Variants in SAMMSON observed in about 807,000 individuals in gnomAD.
The protein encoded by SAMMSON is long intergenic non-protein coding RNA 1212.
chr3:70,382,102 A>G (rs563836150), intron 9 of SAMMSON, among the ~76,000 whole-genome samples: 1 of 152,306 alleles, frequency 6.6e-6, no homozygotes, highest in South Asian at 2.1e-4. Flanking sequence ...AAAGTGGTAC[A>G]TGAAATACAT....
At chr3:70,011,449 A>C (rs921441107) in intron 1 of SAMMSON, among the ~76,000 whole-genome samples, 1 of 152,040 alleles carries the variant, frequency 6.6e-6, no homozygotes, top group Non-Finnish European at 1.5e-5. Flanking sequence ...GTGGGTAAGG[A>C]GAGTTTGTTT....
chr3:70,317,024 G>C (rs1461765593), intron 7 of SAMMSON, among the ~76,000 whole-genome samples: 2 of 151,900 alleles, frequency 1.3e-5, no homozygotes, highest in African/African-American at 4.8e-5. Context: ...TTCCTCTGGG[G>C]GTTACAATAT....
chr3:70,160,117 TCTA>T (rs1395752617), intron 4 of SAMMSON, among the ~76,000 whole-genome samples: 1 of 152,094 alleles, frequency 6.6e-6, no homozygotes, highest in African/African-American at 2.4e-5. Flanking sequence ...CTTAATGAAG[TCTA>T]CTGAAGTACA....
Position 70,194,765 on chromosome 3 carries a change from G to A in SAMMSON, n.508-54342G>A, listed in dbSNP as rs150965927. Among the ~76,000 whole-genome samples the A allele has an allele frequency of 3.4e-3, 512 of 152,254 alleles. 2 individuals are homozygous for A. The highest frequency in any genetic ancestry group is 0.011 in the African/African-American group (457 of 41,542). On this transcript the variant is annotated intron_variant and non_coding_transcript_variant, in intron 4 of 9. Transcript: ENST00000642114. ...TGTAGAGTAGAAAGAATAAGGGAATGATAATTGAAATATTTAACACCAATA... is the reference window on the plus strand; with the variant it reads ...TGTAGAGTAGAAAGAATAAGGGAATAATAATTGAAATATTTAACACCAATA...
At chr3:70,320,646 T>G (rs1702532017) in intron 7 of SAMMSON, among the ~76,000 whole-genome samples, 1 of 152,034 alleles carries the variant, frequency 6.6e-6, no homozygotes, top group Non-Finnish European at 1.5e-5. Context: ...AGGACCATCA[T>G]TACTGACAGA....
chr3:70,244,323 T>C (rs1260947181), intron 4 of SAMMSON, among the ~76,000 whole-genome samples: 4 of 152,200 alleles, frequency 2.6e-5, no homozygotes, highest in Non-Finnish European at 4.4e-5. Flanking sequence ...CTTTTTCATG[T>C]TTAACATTTT....
At chr3:70,090,592 T>C (rs1342852720) in intron 4 of SAMMSON, among the ~76,000 whole-genome samples, 1 of 152,180 alleles carries the variant, frequency 6.6e-6, no homozygotes, top group African/African-American at 2.4e-5. Context: ...AACTTTCATA[T>C]TGTATCTAAG....
intron 6 of SAMMSON, among the ~76,000 whole-genome samples, chr3:70,257,345 T>C (rs1430704870): frequency 1.3e-5 from 2 of 152,102 alleles, no homozygotes; most frequent in Non-Finnish European, 2.9e-5. Flanking sequence ...GGATCATGGG[T>C]TTTAAGGAAT....
intron 4 of SAMMSON, among the ~76,000 whole-genome samples, chr3:70,169,278 A>G (rs921653004): frequency 3.3e-5 from 5 of 152,080 alleles, no homozygotes; most frequent in African/African-American, 1.2e-4. Context: ...AAACATAAGT[A>G]TCAAATACAC....
intron 4 of SAMMSON, chr3:70,127,702 T>G (rs994778532): frequency 6.6e-6 from 1 of 152,016 alleles, no homozygotes; most frequent in African/African-American, 2.4e-5. Context: ...AGCACAGTGG[T>G]GCAATCTCGG....
At chr3:70,186,690 G>A (rs1701094669) in intron 4 of SAMMSON, among the ~76,000 whole-genome samples, 1 of 152,158 alleles carries the variant, frequency 6.6e-6, no homozygotes, top group African/African-American at 2.4e-5. Flanking sequence ...AGCTGAAAAA[G>A]GAGCCCCCAA....
At chr3:70,087,076 C>G (rs1576118379) in intron 4 of SAMMSON, among the ~76,000 whole-genome samples, 1 of 152,170 alleles carries the variant, frequency 6.6e-6, no homozygotes, top group African/African-American at 2.4e-5. Flanking sequence ...TTCAAGCAAT[C>G]TTTAACTGGC....
chr3:70,083,432 G>A (rs1298387547), intron 4 of SAMMSON, among the ~76,000 whole-genome samples: 4 of 152,016 alleles, frequency 2.6e-5, no homozygotes, highest in African/African-American at 9.7e-5. Flanking sequence ...CTCTATCCCC[G>A]ACTTCTAGCA....
At chr3:70,011,333 C>G (rs749227511) in intron 1 of SAMMSON, among the ~76,000 whole-genome samples, 8 of 152,214 alleles carry the variant, frequency 5.3e-5, no homozygotes, top group Non-Finnish European at 1.0e-4. Context: ...AAACTCCATT[C>G]CAGGTCTCCT....
chr3:70,075,143 C>A (rs1048300476), intron 4 of SAMMSON: 6 of 152,012 alleles, frequency 3.9e-5, no homozygotes, highest in Non-Finnish European at 8.8e-5. Context: ...AGGAAGCAGA[C>A]ATATAAACAT....
intron 4 of SAMMSON, among the ~76,000 whole-genome samples, chr3:70,157,127 T>G (rs543742502): frequency 6.6e-6 from 1 of 152,262 alleles, no homozygotes. Flanking sequence ...TACAAATACC[T>G]TAATATGTAT....
intron 7 of SAMMSON, among the ~76,000 whole-genome samples, chr3:70,315,310 C>G (rs184056275): frequency 1.3e-5 from 2 of 152,226 alleles, no homozygotes; most frequent in East Asian, 3.9e-4. Flanking sequence ...GCCCTTTGAA[C>G]AGGCTTTTGT....
intron 4 of SAMMSON, among the ~76,000 whole-genome samples, chr3:70,101,521 T>C (rs1397106760): frequency 1.3e-5 from 2 of 152,162 alleles, no homozygotes. Context: ...ATTAATTGTA[T>C]AGATTAAAGA....
intron 9 of SAMMSON, among the ~76,000 whole-genome samples, chr3:70,384,189 A>G (rs1429939856): frequency 6.6e-6 from 1 of 152,098 alleles, no homozygotes; most frequent in Non-Finnish European, 1.5e-5. Context: ...GATTTAATCA[A>G]TCCTTTTCAG....
Sources: allele counts gnomAD v4.1 joint callset (sites outside exome capture counted in the v4.1 genomes callset), GRCh38; gene constraint gnomAD v4.1.1; transcripts MANE v1.5; gene names NCBI Gene and HGNC (gene_info 2026-07-23, HGNC 2026-07-21).